The following DACH2 variants were observed in gnomAD, a reference collection of about 807,000 sequenced individuals.
DACH2 encodes the protein dachshund homolog 2.
DACH2 carries 17 observed loss-of-function variants against 35.8 expected under a neutral mutation model. The observed-to-expected ratio is 0.48, with a 90% CI of 0.33 to 0.71. The LOEUF (loss-of-function observed/expected upper bound fraction) is 0.71, where lower values mean the gene tolerates loss of function less well. DACH2 is among the 30% of genes least tolerant of loss of function. The probability of loss-of-function intolerance (pLI) is 0.02; values close to 1 mark genes in which losing one functional copy is unlikely to be tolerated. For missense variants in DACH2, 469 were observed against 472.7 expected (o/e 0.99, Z 0.07); for synonymous variants, 195 against 177.3 (o/e 1.10, Z -0.79).
chrX:86,677,123 A>T (rs1458186764), intron 4 of DACH2, among the ~76,000 whole-genome samples: 2 of 112,272 alleles, frequency 1.8e-5, no homozygotes, highest in Non-Finnish European at 3.8e-5. Flanking sequence ...CTGTAGTTAG[A>T]AAAAGAGATT....
chrX:86,221,866 T>G (rs998111720), intron 1 of DACH2, among the ~76,000 whole-genome samples: 5 of 112,181 alleles, frequency 4.5e-5, no homozygotes, highest in Admixed American at 1.9e-4. Context: ...CAGGTTTAAT[T>G]TTTATTGAGG....
At position 86,414,047 on chromosome X, in the gene DACH2, G is replaced by A. The variant is rs762183736; in HGVS notation, c.527+37185G>A. On this transcript the variant is annotated intron_variant, in intron 2 of 11. Coordinates refer to ENST00000373125, the MANE Select transcript of DACH2 (RefSeq NM_053281.3). ...GAGGTCTCCTTAGAGAAGGATGTGA[G>A]AAAGGTTCACTGCAAAAATTGTCAG... 4.5e-5 allele frequency among the ~76,000 whole-genome samples: 5 copies of A among 111,352 alleles called. No individual in the cohort carries two copies. The East Asian group carries it at 1.4e-3, about 32-fold the overall frequency.
At chrX:86,190,089 G>T (rs968970311) in intron 1 of DACH2, among the ~76,000 whole-genome samples, 16 of 109,565 alleles carry the variant, frequency 1.5e-4, no homozygotes, top group African/African-American at 4.7e-4. Flanking sequence ...ACTTGAACCT[G>T]GGAGGTAGAG....
In DACH2 at chrX:86,795,232, C is replaced by CTT. The variant is rs35324617; in HGVS notation, c.1241-17607_1241-17606dup. ...GCTGTTCAGGTGATGGAAGCATGTTCTTTTTTTTTTTTTTTTTTGAGACAG... is the reference window on the plus strand; with the variant it reads ...GCTGTTCAGGTGATGGAAGCATGTTCTTTTTTTTTTTTTTTTTTTTGAGACAG... On this transcript the variant is annotated intron_variant, in intron 7 of 11. Transcript: ENST00000373125. Among the ~76,000 whole-genome samples the CTT allele has an allele frequency of 7.0e-3, 595 of 85,146 alleles. 6 individuals carry two copies. The highest frequency in any genetic ancestry group is 0.01 in the Non-Finnish European group (447 of 44,395). The allele number at this position is 85,146 out of a possible 115,157, so 73.9% of individuals were successfully genotyped here.
chrX:86,815,932 T>C (rs3761542), intron 10 of DACH2, 102 bp from the exon 11 acceptor site: 88,982 of 559,273 alleles, frequency 0.16, 5,684 homozygotes, highest in East Asian at 0.35. Context: ...CAAGGTCTTA[T>C]GTTATCTATA....
intron 11 of DACH2, 90 bp downstream of exon 11, chrX:86,816,189 A>G (rs1027823705): frequency 2.9e-5 from 14 of 483,845 alleles, no homozygotes; most frequent in Non-Finnish European, 3.2e-5. Context: ...AGCTTCTGTG[A>G]TGATACTCTT....
At chrX:86,541,141 A>G (rs898152673) in intron 3 of DACH2, among the ~76,000 whole-genome samples, 2 of 112,128 alleles carry the variant, frequency 1.8e-5, no homozygotes, top group Middle Eastern at 4.2e-3. Flanking sequence ...TTTGAAATCA[A>G]TGTTACACTG....
At position 86,615,709 on chromosome X, in the gene DACH2, G is replaced by A. The variant is rs183038313; in HGVS notation, c.641-35327G>A. Among the ~76,000 whole-genome samples the A allele has an allele frequency of 8.1e-3, 900 of 110,430 alleles. 5 individuals carry two copies. Among genetic ancestry groups the A allele is most frequent in the Non-Finnish European group, 0.013 (689 of 52,729 alleles). ...TTTCTCTCCCCTCATCCTGTAACCG[G>A]TATTATATACCACATGGACCTTATA... On this transcript the variant is annotated intron_variant, in intron 3 of 11. Coordinates refer to ENST00000373125, the MANE Select transcript of DACH2 (RefSeq NM_053281.3).
chrX:86,373,567 G>T (rs2035921978), intron 1 of DACH2, among the ~76,000 whole-genome samples: 1 of 110,839 alleles, frequency 9.0e-6, no homozygotes, highest in Non-Finnish European at 1.9e-5. Context: ...TGTCATTCAG[G>T]TCGGTATATT....
chrX:86,553,559 T>C (rs1330240038), intron 3 of DACH2, among the ~76,000 whole-genome samples: 1 of 111,839 alleles, frequency 8.9e-6, no homozygotes, highest in Non-Finnish European at 1.9e-5. Flanking sequence ...CTTGAACCCA[T>C]ACACATAATC....
chrX:86,178,224 T>A (rs1389335853), intron 1 of DACH2, among the ~76,000 whole-genome samples: 1 of 111,648 alleles, frequency 9.0e-6, no homozygotes, highest in Admixed American at 9.6e-5. Context: ...TCTTTAAAGA[T>A]CTAGCTGAAG....
intron 2 of DACH2, among the ~76,000 whole-genome samples, chrX:86,450,000 C>A (rs1311471664): frequency 9.0e-6 from 1 of 111,568 alleles, no homozygotes; most frequent in Non-Finnish European, 1.9e-5. Flanking sequence ...TTTCAGGTTA[C>A]TCATTAATGT....
intron 3 of DACH2, among the ~76,000 whole-genome samples, chrX:86,633,762 A>G (rs1312319349): frequency 3.6e-5 from 4 of 111,970 alleles, no homozygotes; most frequent in Non-Finnish European, 5.6e-5. Flanking sequence ...GCAGAACTAA[A>G]TGGTAATACA....
intron 3 of DACH2, among the ~76,000 whole-genome samples, chrX:86,612,054 T>A (rs1398528181): frequency 1.9e-5 from 2 of 107,927 alleles, no homozygotes; most frequent in Non-Finnish European, 1.9e-5. Context: ...AAAGGTTTTT[T>A]TTAGTCAACA....
At chrX:86,827,988 A>T in intron 11 of DACH2, 1 of 397,451 alleles carries the variant, frequency 2.5e-6, no homozygotes, top group Non-Finnish European at 4.3e-6. Flanking sequence ...GGATAGTCAT[A>T]ATAATGACTG....
intron 4 of DACH2, among the ~76,000 whole-genome samples, chrX:86,681,450 C>T (rs190487123): frequency 9.2e-6 from 1 of 109,056 alleles, no homozygotes; most frequent in African/African-American, 3.3e-5. Context: ...CATGGTGTTG[C>T]GCACCTGTAT....
chrX:86,649,129 G>T (rs1420988467), intron 3 of DACH2, among the ~76,000 whole-genome samples: 1 of 110,661 alleles, frequency 9.0e-6, no homozygotes, highest in Admixed American at 9.7e-5. Flanking sequence ...TAAATCTTTT[G>T]TACGAATTAA....
At chrX:86,815,994 C>A (rs1400999787) in intron 10 of DACH2, 40 bp from the exon 11 acceptor site, 3 of 1,048,616 alleles carry the variant, frequency 2.9e-6, no homozygotes, top group Admixed American at 5.2e-5. Context: ...AATCAGGAAC[C>A]ACCTAATTGT....
At chrX:86,175,628 A>G (rs189977130) in intron 1 of DACH2, among the ~76,000 whole-genome samples, 1 of 111,937 alleles carries the variant, frequency 8.9e-6, no homozygotes, top group Non-Finnish European at 1.9e-5. Context: ...GTGTGACAGA[A>G]GAGTATTGCT....
Sources: allele counts gnomAD v4.1 joint callset (sites outside exome capture counted in the v4.1 genomes callset), GRCh38; gene constraint gnomAD v4.1.1; transcripts MANE v1.5; gene names NCBI Gene and HGNC (gene_info 2026-07-23, HGNC 2026-07-21).